The following MTR variants were observed in gnomAD, a reference collection of about 807,000 sequenced individuals.
MTR encodes methionine synthase.
A neutral mutation model predicts 154.8 loss-of-function variants in MTR; 84 were observed. The ratio of observed to expected loss-of-function variants is 0.54; its 90% CI spans 0.45 to 0.65. MTR has a LOEUF of 0.65. MTR is among the 30% of genes least tolerant of loss of function. MTR has a pLI of 0.00. For synonymous variants in MTR, 554 were observed against 553.9 expected (o/e 1.00, Z 0.00); for missense variants, 1,275 against 1,570.2 (o/e 0.81, Z 3.18).
At chr1:236,810,715 T>C in intron 5 of MTR, 120 bp downstream of exon 5, 1 of 857,498 alleles carries the variant, frequency 1.2e-6, no homozygotes. Context: ...TGTGATTTAA[T>C]CCATGTAAAA....
rs547438810 is a variant in MTR, at chr1:236,798,949, C to T, written c.34+3212C>T. Among the ~76,000 whole-genome samples the T allele has an allele frequency of 5.9e-5, 9 of 152,136 alleles. No homozygotes were observed. The South Asian group carries it at 1.9e-3, about 32-fold the overall frequency. ...GGTGAATTAGAATGGTAATTAAAGCCCAGTGAAAAATGACCTCCTACTGGA... is the reference window on the plus strand; with the variant it reads ...GGTGAATTAGAATGGTAATTAAAGCTCAGTGAAAAATGACCTCCTACTGGA... On this transcript the variant is annotated intron_variant, in intron 1 of 32. Transcript: ENST00000366577.
chr1:236,850,250 A>G, intron 15 of MTR, 94 bp from the exon 16 acceptor site: 1 of 821,776 alleles, frequency 1.2e-6, no homozygotes, highest in Non-Finnish European at 1.7e-6. Flanking sequence ...TTTAATATTA[A>G]TATTTTATTA....
At chr1:236,827,987 A>G (rs1261529775) in intron 11 of MTR, among the ~76,000 whole-genome samples, 1 of 151,798 alleles carries the variant, frequency 6.6e-6, no homozygotes, top group Non-Finnish European at 1.5e-5. Flanking sequence ...ATATATATAT[A>G]TATTTTTTGG....
At chr1:236,855,844 A>G (rs1338955080) in intron 18 of MTR, among the ~76,000 whole-genome samples, 1 of 152,184 alleles carries the variant, frequency 6.6e-6, no homozygotes, top group Non-Finnish European at 1.5e-5. Flanking sequence ...TTAGTATGTG[A>G]AAACTGTGTA....
chr1:236,832,209 T>A, intron 13 of MTR, 131 bp downstream of exon 13: 1 of 805,618 alleles, frequency 1.2e-6, no homozygotes, highest in Non-Finnish European at 2.1e-6. Flanking sequence ...GATGGTAATG[T>A]GTGTTTGCAG....
At chr1:236,867,423 A>G (rs1051192167) in intron 22 of MTR, among the ~76,000 whole-genome samples, 4 of 152,162 alleles carry the variant, frequency 2.6e-5, no homozygotes. Flanking sequence ...ATTACTCCTC[A>G]TTGACAGTGC....
Position 236,895,468 on chromosome 1 carries a change from C to T in MTR, c.3516C>T (p.Arg1172=), listed in dbSNP as rs750050502. 3.8e-6 allele frequency: 6 copies of T among 1,597,878 alleles called. No individual in the cohort carries two copies. In the Admixed American group the frequency reaches 5.1e-5, roughly 14 times the overall value. The stretch of plus-strand genomic sequence containing the variant: ...GCAGGCTGCGGTACAAGGGCATCCG[C>T]CCGGCTCCTGGCTACCCCAGCCAGC... ...DLRRLRYKGI[R]PAPGYPSQPD... Residue 1172 remains arginine (R), a synonymous_variant, in exon 31 of 33, where the codon CGC becomes CGT. Transcript: ENST00000366577.
At chr1:236,817,250 T>G (rs1661645725) in intron 8 of MTR, among the ~76,000 whole-genome samples, 2 of 65,788 alleles carry the variant, frequency 3.0e-5, no homozygotes, top group East Asian at 1.1e-3. Flanking sequence ...ATTTCTGGGC[T>G]TTTTTCTTCT....
At chr1:236,875,669 G>T (rs1275374711) in intron 24 of MTR, among the ~76,000 whole-genome samples, 1 of 152,026 alleles carries the variant, frequency 6.6e-6, no homozygotes, top group Non-Finnish European at 1.5e-5. Context: ...TAAAGATCTG[G>T]GTATAGGTAT....
intron 15 of MTR, among the ~76,000 whole-genome samples, chr1:236,839,001 C>T (rs754424643): frequency 8.5e-5 from 13 of 152,228 alleles, no homozygotes; most frequent in African/African-American, 2.9e-4. Flanking sequence ...TGTATCTAAA[C>T]GTATCGAAAC....
At chr1:236,890,927 T>TGGGAGCTGCACTTAGC (rs1259209899) in intron 28 of MTR, among the ~76,000 whole-genome samples, 1 of 152,070 alleles carries the variant, frequency 6.6e-6, no homozygotes, top group Non-Finnish European at 1.5e-5. Context: ...AAGCAGACTG[T>TGGGAGCTGCACTTAGC]GGGAGCTGCA....
chr1:236,890,748 G>A (rs116251549), intron 28 of MTR, among the ~76,000 whole-genome samples: 136 of 152,292 alleles, frequency 8.9e-4, no homozygotes, highest in African/African-American at 2.9e-3. Context: ...CACAGGTCGC[G>A]TCTCCCAGAG....
chr1:236,801,050 C>G (rs1445209267), intron 1 of MTR, among the ~76,000 whole-genome samples: 2 of 152,146 alleles, frequency 1.3e-5, no homozygotes, highest in Non-Finnish European at 2.9e-5. Flanking sequence ...TCATGGAGTG[C>G]CTAAATTAAC....
At chr1:236,831,332 A>G (rs938849058) in intron 12 of MTR, among the ~76,000 whole-genome samples, 1 of 152,088 alleles carries the variant, frequency 6.6e-6, no homozygotes, top group African/African-American at 2.4e-5. Flanking sequence ...GGCAGGGGAG[A>G]TGTTATTATG....
intron 27 of MTR, among the ~76,000 whole-genome samples, chr1:236,886,658 A>C (rs1003417324): frequency 6.6e-6 from 1 of 152,168 alleles, no homozygotes; most frequent in African/African-American, 2.4e-5. Context: ...GAAGAAACTG[A>C]GTTTTGGGTG....
chr1:236,874,920 T>C, intron 24 of MTR, 74 bp downstream of exon 24: 1 of 1,524,260 alleles, frequency 6.6e-7, no homozygotes, highest in South Asian at 1.1e-5. Flanking sequence ...GTGGGAAACC[T>C]GTGTTGTTTT....
At chr1:236,836,152 G>A (rs1264237658) in intron 14 of MTR, among the ~76,000 whole-genome samples, 1 of 152,046 alleles carries the variant, frequency 6.6e-6, no homozygotes, top group African/African-American at 2.4e-5. Context: ...TCTTCAAAAG[G>A]TGAAAATTGA....
At chr1:236,829,633 G>A (rs1309038407) in intron 12 of MTR, among the ~76,000 whole-genome samples, 1 of 152,174 alleles carries the variant, frequency 6.6e-6, no homozygotes, top group Non-Finnish European at 1.5e-5. Context: ...AACTGCCAAG[G>A]TGTAATGTTT....
In MTR at chr1:236,894,745, C is replaced by T. The variant is rs1666528806; in HGVS notation, c.3405+188C>T. The T allele has an allele frequency of 1.7e-5, 11 of 637,214 alleles. 1 individual carries two copies. The highest frequency in any genetic ancestry group is 2.4e-5 in the Non-Finnish European group (9 of 374,752). The allele number at this position is 637,214 out of a possible 1,614,324, so 39.5% of individuals were successfully genotyped here. ...TATGTATCCCCAGATTGCTTGTGTA[C>T]ATTATCTTTGAGGCAAAGAAAAACC... On this transcript the variant is annotated intron_variant, in intron 30 of 32. Transcript: ENST00000366577.
Sources: allele counts gnomAD v4.1 joint callset (sites outside exome capture counted in the v4.1 genomes callset), GRCh38; gene constraint gnomAD v4.1.1; transcripts MANE v1.5; gene names NCBI Gene and HGNC (gene_info 2026-07-23, HGNC 2026-07-21).